DIP2B: variants seen among roughly 807,000 people sequenced by gnomAD.
DIP2B encodes the protein disco-interacting protein 2 homolog B.
Under a neutral mutation model 198.0 loss-of-function variants are expected in DIP2B, and 76 were observed. The observed-to-expected ratio is 0.38, with a 90% CI of 0.32 to 0.46. The LOEUF (loss-of-function observed/expected upper bound fraction) is 0.46, where lower values mean the gene tolerates loss of function less well. Ranked by LOEUF, DIP2B falls within the 20% of genes least tolerant of loss-of-function variation. The probability of loss-of-function intolerance (pLI) is 0.99; values close to 1 mark genes in which losing one functional copy is unlikely to be tolerated. For synonymous variants in DIP2B, 701 were observed against 739.1 expected (o/e 0.95, Z 0.84); for missense variants, 1,559 against 1,978.4 (o/e 0.79, Z 4.02).
chr12:50,613,608 T>C (rs2139456085), intron 1 of DIP2B, among the ~76,000 whole-genome samples: 1 of 152,286 alleles, frequency 6.6e-6, no homozygotes, highest in African/African-American at 2.4e-5. Context: ...AAAGAGTGCC[T>C]GTTTGAGGTG....
chr12:50,604,543 G>C (rs1379791775), intron 1 of DIP2B, among the ~76,000 whole-genome samples: 2 of 151,890 alleles, frequency 1.3e-5, no homozygotes, highest in African/African-American at 4.8e-5. Flanking sequence ...CTACAGCCTT[G>C]ACCTCCCAGG....
chr12:50,625,959 G>C lies in DIP2B; in HGVS notation c.101-17G>C, dbSNP rs774286906. On this transcript the variant is annotated splice_polypyrimidine_tract_variant and intron_variant, in intron 1 of 37. Transcript: ENST00000301180. ...TAAGAATAATGCATAACCTATTTCT[G>C]TTTCTTGCTATTTTAGGGGACATCA... 3 of 1,612,426 alleles carry C rather than the reference G, an allele frequency of 1.9e-6. No homozygotes were observed. The Admixed American group carries it at 5.0e-5, about 27-fold the overall frequency.
chr12:50,694,836 T>G (rs1236765649), intron 14 of DIP2B, among the ~76,000 whole-genome samples: 4 of 152,064 alleles, frequency 2.6e-5, no homozygotes, highest in Admixed American at 2.6e-4. Flanking sequence ...AGCCAAACAA[T>G]GGAATACTGT....
At position 50,685,955 on chromosome 12, in the gene DIP2B, A is replaced by C. The variant is rs746317334; in HGVS notation, c.1440A>C (p.Lys480Asn). 26 of 1,611,572 alleles carry C rather than the reference A, an allele frequency of 1.6e-5. No homozygotes were observed. In the Admixed American group the frequency reaches 1.9e-4, roughly 11 times the overall value. Residue 480 changes from lysine (K) to asparagine (N), a missense_variant and splice_region_variant, in exon 11 of 38, where the codon AAA (lysine) becomes AAC (asparagine). Coordinates refer to ENST00000301180, the MANE Select transcript of DIP2B (RefSeq NM_173602.3). The stretch of plus-strand genomic sequence containing the variant: ...AGAATGGAGAAATTGTACAGTTTAA[A>C]GGTTAGTAACATTGTACCTGAATTA... ...KTQNGEIVQF[K>N]GWPRLKWVVT...
At chr12:50,723,088 G>T in intron 26 of DIP2B, 114 bp from the exon 27 acceptor site, 3 of 1,262,500 alleles carry the variant, frequency 2.4e-6, no homozygotes, top group Non-Finnish European at 3.2e-6. Context: ...TTAAATTATG[G>T]TCTACAGAAC....
intron 4 of DIP2B, 62 bp from the exon 5 acceptor site, chr12:50,671,124 A>G: frequency 6.5e-7 from 1 of 1,528,032 alleles, no homozygotes; most frequent in Non-Finnish European, 8.9e-7. Context: ...TCAATGAGCA[A>G]GAACTGAAAA....
intron 26 of DIP2B, 47 bp downstream of exon 26, chr12:50,721,443 T>A: frequency 6.2e-7 from 1 of 1,606,228 alleles, no homozygotes; most frequent in Non-Finnish European, 8.5e-7. Context: ...AATACTAGAC[T>A]GACTACAAAT....
intron 4 of DIP2B, among the ~76,000 whole-genome samples, chr12:50,662,141 A>T (rs1307963196): frequency 6.6e-6 from 1 of 152,176 alleles, no homozygotes; most frequent in Non-Finnish European, 1.5e-5. Flanking sequence ...TATATGTTTT[A>T]TACATAATAA....
In DIP2B at chr12:50,505,019, C is replaced by CGGCGGTGGTGCTGGT; in HGVS notation, c.-115_-114insGTGCTGGTGGCGGTG. 9.0e-6 allele frequency: 9 copies of CGGCGGTGGTGCTGGT among 1,004,878 alleles called. No individual in the cohort carries two copies. Among genetic ancestry groups the CGGCGGTGGTGCTGGT allele is most frequent in the Non-Finnish European group, 1.3e-5 (9 of 692,812 alleles). The allele number at this position is 1,004,878 out of a possible 1,614,324, so 62.2% of individuals were successfully genotyped here. On this transcript the variant is annotated 5_prime_UTR_variant, in exon 1 of 38. Transcript: ENST00000301180. ...TTGCTCATGGCGGCGGCGGCGGCGG[C>CGGCGGTGGTGCTGGT]GGCGGTGCTGGTGGTGCTCGGCGGC...
intron 32 of DIP2B, among the ~76,000 whole-genome samples, chr12:50,733,253 T>C (rs1490203673): frequency 2.1e-5 from 1 of 47,758 alleles, no homozygotes. Context: ...TTTTTTTCTT[T>C]CTTTTTTTTT....
At chr12:50,566,305 G>A (rs1958562553) in intron 1 of DIP2B, among the ~76,000 whole-genome samples, 1 of 152,186 alleles carries the variant, frequency 6.6e-6, no homozygotes, top group Non-Finnish European at 1.5e-5. Flanking sequence ...TTCCCAGACT[G>A]CTGAGATTAC....
chr12:50,699,575 C>T (rs1027501768), intron 19 of DIP2B, among the ~76,000 whole-genome samples: 1 of 152,110 alleles, frequency 6.6e-6, no homozygotes, highest in African/African-American at 2.4e-5. Flanking sequence ...CATGGTAGCT[C>T]ATGCCTGTAA....
At chr12:50,623,868 T>C (rs1206158991) in intron 1 of DIP2B, among the ~76,000 whole-genome samples, 1 of 152,158 alleles carries the variant, frequency 6.6e-6, no homozygotes, top group East Asian at 1.9e-4. Flanking sequence ...ATCCCCTAGA[T>C]GCCAGTAGCA....
intron 1 of DIP2B, among the ~76,000 whole-genome samples, chr12:50,601,022 C>T (rs908755873): frequency 7.2e-5 from 11 of 151,938 alleles, no homozygotes; most frequent in African/African-American, 2.4e-4. Flanking sequence ...CATTGGAAGC[C>T]CTCATCCCTG....
chr12:50,526,231 T>TC (rs1958163715), intron 1 of DIP2B, among the ~76,000 whole-genome samples: 1 of 152,154 alleles, frequency 6.6e-6, no homozygotes, highest in Non-Finnish European at 1.5e-5. Context: ...GTAGGCTCTG[T>TC]CCCCAGGGTC....
intron 1 of DIP2B, among the ~76,000 whole-genome samples, chr12:50,591,775 T>C (rs1480748546): frequency 1.3e-5 from 2 of 152,010 alleles, no homozygotes; most frequent in African/African-American, 4.8e-5. Context: ...ATAAAATTCT[T>C]ATACTACATT....
At chr12:50,656,523 A>G (rs957532243) in intron 3 of DIP2B, among the ~76,000 whole-genome samples, 3 of 152,212 alleles carry the variant, frequency 2.0e-5, no homozygotes, top group Non-Finnish European at 2.9e-5. Flanking sequence ...ATGAGAATCC[A>G]TGGGCTCATA....
Position 50,732,793 on chromosome 12 carries a change from CAGTG to C in DIP2B, c.3981+260_3981+263del, listed in dbSNP as rs1294825580. On this transcript the variant is annotated intron_variant, in intron 32 of 37. Transcript: ENST00000301180. ...CTCGGAGTTCTTGGAGCAGTGCTGA[CAGTG>C]AGCGCAGTGTTGGTGTTTACTTGAG... Among the ~76,000 whole-genome samples, 19 of 152,378 alleles carry C rather than the reference CAGTG, an allele frequency of 1.2e-4. No individual in the cohort carries two copies. In the East Asian group the frequency reaches 3.5e-3, roughly 28 times the overall value.
At chr12:50,569,402 C>A (rs1319024965) in intron 1 of DIP2B, among the ~76,000 whole-genome samples, 1 of 152,140 alleles carries the variant, frequency 6.6e-6, no homozygotes, top group Non-Finnish European at 1.5e-5. Context: ...TTACTGAAAA[C>A]CCAGGGGCGT....
Sources: allele counts gnomAD v4.1 joint callset (sites outside exome capture counted in the v4.1 genomes callset), GRCh38; gene constraint gnomAD v4.1.1; transcripts MANE v1.5; gene names NCBI Gene and HGNC (gene_info 2026-07-23, HGNC 2026-07-21).